The following TMEM132D variants were observed in gnomAD, a reference collection of about 807,000 sequenced individuals.
TMEM132D encodes transmembrane protein 132D.
TMEM132D carries 21 observed loss-of-function variants against 62.3 expected under a neutral mutation model. The ratio of observed to expected loss-of-function variants is 0.34; its 90% CI spans 0.24 to 0.49. The LOEUF is 0.49. TMEM132D is among the 20% of genes least tolerant of loss of function. The pLI, the probability that TMEM132D is intolerant of heterozygous loss-of-function variation, is 0.99. For synonymous variants in TMEM132D, 621 were observed against 575.6 expected, an observed-to-expected ratio of 1.08 and a Z score of -1.13; for missense variants, 1,346 against 1,402.8, an observed-to-expected ratio of 0.96 and a Z score of 0.65.
At chr12:129,688,872 G>A (rs1230872873) in intron 2 of TMEM132D, among the ~76,000 whole-genome samples, 2 of 152,136 alleles carry the variant, frequency 1.3e-5, no homozygotes, top group Non-Finnish European at 2.9e-5. Flanking sequence ...CTTCCTCTAT[G>A]CAAGAGGTGA....
chr12:129,665,549 G>T, intron 2 of TMEM132D, among the ~76,000 whole-genome samples: 1 of 151,926 alleles, frequency 6.6e-6, no homozygotes. Flanking sequence ...CATTTGAACA[G>T]TCTACTTAAA....
In TMEM132D at chr12:129,424,707, CAAAAAAAAAA is replaced by C. The variant is rs11385383; in HGVS notation, c.1116-86900_1116-86891del. On this transcript the variant is annotated intron_variant, in intron 3 of 8. Transcript: ENST00000422113. ...TGGGTGACAGAGCGAGACTCCATCT[CAAAAAAAAAA>C]AAAAAAAAAAAAAAAGACATCTCAA... Among the ~76,000 whole-genome samples the C allele has an allele frequency of 3.1e-4, 10 of 31,832 alleles. No homozygotes were observed. In the East Asian group the frequency reaches 8.5e-3, roughly 27 times the overall value. The allele number at this position is 31,832 out of a possible 152,430, so 20.9% of individuals were successfully genotyped here.
intron 5 of TMEM132D, among the ~76,000 whole-genome samples, chr12:129,113,889 C>T (rs555189811): frequency 6.6e-6 from 1 of 152,014 alleles, no homozygotes; most frequent in Admixed American, 6.6e-5. Flanking sequence ...GCAAGAGTTT[C>T]CAGCAGGTAG....
At chr12:129,630,749 T>C (rs773990461) in intron 2 of TMEM132D, among the ~76,000 whole-genome samples, 1 of 152,150 alleles carries the variant, frequency 6.6e-6, no homozygotes, top group Non-Finnish European at 1.5e-5. Flanking sequence ...TGCAGGTTTG[T>C]TATATGGGTA....
chr12:129,474,017 G>A (rs1874184463), intron 3 of TMEM132D, among the ~76,000 whole-genome samples: 1 of 152,140 alleles, frequency 6.6e-6, no homozygotes, highest in Admixed American at 6.5e-5. Flanking sequence ...GCATGGCTTG[G>A]GCTTTTAAAC....
At position 129,074,680 on chromosome 12, in the gene TMEM132D, T is replaced by C; in HGVS notation, c.2495A>G (p.Gln832Arg). The change falls in exon 9 of 9, where the codon CAG (glutamine) becomes CGG (arginine). Residue 832 changes from glutamine to arginine, a missense_variant. By Grantham distance (43) the Gln-to-Arg change is conservative. Coordinates refer to ENST00000422113, the MANE Select transcript of TMEM132D (RefSeq NM_133448.3). ...CTGTCCTTCCTGACTCCCCCATTCC[T>C]GCGAGGGTTTTTTGGGCCTTCTGTC... ...VSDRRPKKPS[Q>R]EWGSQEGQYY... is the part of the protein sequence containing the mutation. 1.9e-6 allele frequency: 3 copies of C among 1,614,160 alleles called. No individual in the cohort carries two copies. The highest frequency in any genetic ancestry group is 2.5e-6 in the Non-Finnish European group (3 of 1,180,026).
chr12:129,152,025 C>T (rs1011212275), intron 5 of TMEM132D, among the ~76,000 whole-genome samples: 4 of 151,994 alleles, frequency 2.6e-5, no homozygotes, highest in Non-Finnish European at 2.9e-5. Flanking sequence ...CTACAGGCGC[C>T]CGCCATCATG....
At chr12:129,808,709 C>T (rs2137313687) in intron 1 of TMEM132D, among the ~76,000 whole-genome samples, 1 of 152,232 alleles carries the variant, frequency 6.6e-6, no homozygotes, top group South Asian at 2.1e-4. Context: ...TTAACAAACT[C>T]CTTTCAGCTC....
intron 4 of TMEM132D, among the ~76,000 whole-genome samples, chr12:129,299,512 C>T (rs1397446100): frequency 7.0e-6 from 1 of 142,998 alleles, no homozygotes; most frequent in Admixed American, 7.3e-5. Context: ...GGTTACTAAA[C>T]AACTTAAAGA....
intron 1 of TMEM132D, among the ~76,000 whole-genome samples, chr12:129,731,244 T>C (rs934590797): frequency 6.6e-6 from 1 of 152,098 alleles, no homozygotes; most frequent in African/African-American, 2.4e-5. Context: ...CTGAATATCT[T>C]ATGTGCCAGA....
intron 2 of TMEM132D, among the ~76,000 whole-genome samples, chr12:129,609,661 G>A (rs1878718216): frequency 6.6e-6 from 1 of 152,086 alleles, no homozygotes; most frequent in Non-Finnish European, 1.5e-5. Context: ...TCATGCTCTG[G>A]TCCAGACACT....
At chr12:129,337,303 C>T (rs1379258948) in intron 4 of TMEM132D, among the ~76,000 whole-genome samples, 2 of 152,156 alleles carry the variant, frequency 1.3e-5, no homozygotes, top group African/African-American at 2.4e-5. Flanking sequence ...ACATCATATG[C>T]TACAAACACA....
At chr12:129,365,456 C>A (rs537026254) in intron 3 of TMEM132D, among the ~76,000 whole-genome samples, 1 of 152,186 alleles carries the variant, frequency 6.6e-6, no homozygotes, top group East Asian at 1.9e-4. Context: ...GCCTTAAGAA[C>A]AAATTGGAGA....
chr12:129,711,450 G>A (rs186417896), intron 1 of TMEM132D, among the ~76,000 whole-genome samples: 2 of 152,288 alleles, frequency 1.3e-5, no homozygotes, highest in Non-Finnish European at 2.9e-5. Context: ...TATAGGCCAG[G>A]CACAGTGGCT....
chr12:129,394,170 T>A (rs1871359265), intron 3 of TMEM132D, among the ~76,000 whole-genome samples: 1 of 152,066 alleles, frequency 6.6e-6, no homozygotes, highest in Non-Finnish European at 1.5e-5. Flanking sequence ...CAATCCTCAG[T>A]GATGGGTGGG....
chr12:129,860,032 A>G (rs1316602595), intron 1 of TMEM132D, among the ~76,000 whole-genome samples: 1 of 152,160 alleles, frequency 6.6e-6, no homozygotes, highest in Non-Finnish European at 1.5e-5. Flanking sequence ...CATTTCACAT[A>G]AAAATGTGCA....
chr12:129,536,321 C>G (rs940341092), intron 2 of TMEM132D, among the ~76,000 whole-genome samples: 7 of 152,228 alleles, frequency 4.6e-5, no homozygotes, highest in Admixed American at 2.0e-4. Flanking sequence ...GGAAACATGC[C>G]CTTTGGGGTC....
At chr12:129,520,722 A>G (rs992627395) in intron 3 of TMEM132D, among the ~76,000 whole-genome samples, 24 of 152,228 alleles carry the variant, frequency 1.6e-4, no homozygotes, top group African/African-American at 4.8e-4. Context: ...TAAGCTGTAC[A>G]TGTTGAGATC....
intron 1 of TMEM132D, among the ~76,000 whole-genome samples, chr12:129,754,589 G>A (rs546581199): frequency 4.6e-5 from 7 of 152,274 alleles, no homozygotes; most frequent in Admixed American, 2.6e-4. Flanking sequence ...GAGATCAGGC[G>A]GGACACAGTA....
Sources: gnomAD v4.1 joint callset for allele counts (sites outside exome capture counted in the v4.1 genomes callset) on GRCh38, gnomAD v4.1.1 for gene constraint, MANE v1.5 for transcripts, NCBI Gene and HGNC (gene_info 2026-07-23, HGNC 2026-07-21) for gene names.